Variants in TRIO observed in about 807,000 individuals in gnomAD.
The protein encoded by TRIO is triple functional domain protein.
Under a neutral mutation model 351.9 loss-of-function variants are expected in TRIO, and 58 were observed. The ratio of observed to expected loss-of-function variants is 0.16; its 90% CI spans 0.13 to 0.21. The LOEUF (loss-of-function observed/expected upper bound fraction) is 0.21, where lower values mean the gene tolerates loss of function less well. TRIO is among the 10% of genes least tolerant of loss of function. The pLI, the probability that TRIO is intolerant of heterozygous loss-of-function variation, is 1.00. For missense variants in TRIO, 3,201 were observed against 4,027.8 expected, an observed-to-expected ratio of 0.79 and a Z score of 5.56; for synonymous variants, 1,758 against 1,595.7, an observed-to-expected ratio of 1.10 and a Z score of -2.42.
At chr5:14,350,306 T>C (rs546749675) in intron 11 of TRIO, among the ~76,000 whole-genome samples, 3 of 152,304 alleles carry the variant, frequency 2.0e-5, no homozygotes, top group South Asian at 4.1e-4. Flanking sequence ...CCAAATGACC[T>C]GAGGGTGGGG....
At chr5:14,396,342 G>A (rs1341431782) in intron 28 of TRIO, among the ~76,000 whole-genome samples, 2 of 151,280 alleles carry the variant, frequency 1.3e-5, no homozygotes, top group African/African-American at 4.9e-5. Flanking sequence ...GCAGAGTCAC[G>A]CTGGGATTGT....
intron 34 of TRIO, among the ~76,000 whole-genome samples, chr5:14,440,453 T>C (rs1047107142): frequency 6.6e-6 from 1 of 152,324 alleles, no homozygotes; most frequent in East Asian, 1.9e-4. Context: ...AGCGAACATA[T>C]GGAAACTTTC....
chr5:14,308,719 GTCCATCCATCCATCCATCCA>G (rs56135752), intron 8 of TRIO, among the ~76,000 whole-genome samples: 10 of 125,088 alleles, frequency 8.0e-5, no homozygotes, highest in Middle Eastern at 8.4e-3. Context: ...CCATTCATTT[GTCCATCCATCCATCCATCCA>G]TCCATCCATC....
chr5:14,286,997 C>A lies in TRIO; in HGVS notation c.474C>A (p.Ile158=), dbSNP rs1383147340. The change falls in exon 4 of 57, where the codon ATC becomes ATA. Residue 158 remains isoleucine, a synonymous_variant. Transcript: ENST00000344204. This position sits in a 1 kb window ranked among gnomAD's most constrained non-coding sequence, Gnocchi z 4.4. The part of the protein sequence containing the change: ...SFPCCIHVAL[I]IKPDNFWQKQ... ...CCTGCTGCATCCATGTGGCCCTGAT[C>A]ATCAAGCCAGACAACTTCTGGCAGA... 2 of 1,614,094 alleles carry A rather than the reference C, an allele frequency of 1.2e-6. No individual in the cohort carries two copies. Among genetic ancestry groups the A allele is most frequent in the Non-Finnish European group, 1.7e-6 (2 of 1,180,048 alleles).
At chr5:14,353,838 G>C (rs58828043) in intron 11 of TRIO, among the ~76,000 whole-genome samples, 1 of 152,314 alleles carries the variant, frequency 6.6e-6, no homozygotes, top group African/African-American at 2.4e-5. Context: ...GCTATGTATC[G>C]TGCATCCGGC....
chr5:14,148,632 A>G (rs748082435), intron 1 of TRIO, among the ~76,000 whole-genome samples: 7 of 152,204 alleles, frequency 4.6e-5, no homozygotes, highest in Non-Finnish European at 7.3e-5. Flanking sequence ...AAATTTTAAC[A>G]GCGCCACTGG....
intron 19 of TRIO, 66 bp downstream of exon 19, chr5:14,374,409 G>T: frequency 7.9e-7 from 1 of 1,265,986 alleles, no homozygotes; most frequent in Non-Finnish European, 1.1e-6. Context: ...AAAGGAGCCT[G>T]CACGTTGTGT....
At chr5:14,355,143 G>T (rs534964023) in intron 11 of TRIO, among the ~76,000 whole-genome samples, 1 of 152,212 alleles carries the variant, frequency 6.6e-6, no homozygotes, top group Non-Finnish European at 1.5e-5. Context: ...CCCACCACCT[G>T]CATGTGGAAG....
rs370178559 is a variant in TRIO, at chr5:14,367,112, T to C, written c.2874+133T>C. 15 of 1,249,910 alleles carry C rather than the reference T, an allele frequency of 1.2e-5. No homozygotes were observed. In the South Asian group the frequency reaches 1.4e-4, roughly 12 times the overall value. 77.4% of individuals were successfully genotyped at this position (1,249,910 alleles called of 1,614,324 possible). On this transcript the variant is annotated intron_variant, in intron 16 of 56. Coordinates refer to ENST00000344204, the MANE Select transcript of TRIO (RefSeq NM_007118.4). Reference sequence around the variant, plus strand: ...GTAAAGACGACTCAGAGGACCCAAATTGGCAACGCTTCTAAGTCTGCAGCT... The same window carrying C: ...GTAAAGACGACTCAGAGGACCCAAACTGGCAACGCTTCTAAGTCTGCAGCT...
intron 19 of TRIO, among the ~76,000 whole-genome samples, 164 bp from the exon 20 acceptor site, chr5:14,377,848 C>G (rs1745704634): frequency 6.6e-6 from 1 of 152,140 alleles, no homozygotes; most frequent in African/African-American, 2.4e-5. Context: ...GAGAAGAGGT[C>G]TGGTAGACAT....
At chr5:14,262,315 T>G (rs1191545421) in intron 1 of TRIO, among the ~76,000 whole-genome samples, 1 of 151,288 alleles carries the variant, frequency 6.6e-6, no homozygotes, top group East Asian at 1.9e-4. Context: ...GAGGTGTGTG[T>G]TGGGGGCGGG....
intron 14 of TRIO, 106 bp downstream of exon 14, chr5:14,364,033 A>G (rs1744383530): frequency 8.8e-7 from 1 of 1,141,782 alleles, no homozygotes; most frequent in African/African-American, 1.6e-5. Context: ...TTCCTATGAT[A>G]AAGGTATTAT....
At chr5:14,394,459 T>C (rs1426295321) in intron 28 of TRIO, among the ~76,000 whole-genome samples, 1 of 152,158 alleles carries the variant, frequency 6.6e-6, no homozygotes, top group Non-Finnish European at 1.5e-5. Context: ...ACGCTCTGCA[T>C]ATGTTAACCT....
intron 48 of TRIO, chr5:14,489,233 G>A (rs1756294364): frequency 1.8e-6 from 1 of 541,470 alleles, no homozygotes; most frequent in Admixed American, 3.1e-5. Flanking sequence ...TAATTGGTTT[G>A]ACTTGGTCTT....
At chr5:14,450,528 C>A (rs1185881122) in intron 34 of TRIO, among the ~76,000 whole-genome samples, 1 of 151,704 alleles carries the variant, frequency 6.6e-6, no homozygotes, top group East Asian at 1.9e-4. Flanking sequence ...CTGGTTGAAT[C>A]TTGGGATTAT....
chr5:14,490,707 G>A (rs1579815409), intron 48 of TRIO: 1 of 440,602 alleles, frequency 2.3e-6, no homozygotes, highest in Non-Finnish European at 4.6e-6. Context: ...GACTTGAAAT[G>A]CCTAGTACAT....
chr5:14,198,640 G>T (rs565523771), intron 1 of TRIO, among the ~76,000 whole-genome samples: 1 of 151,428 alleles, frequency 6.6e-6, no homozygotes, highest in Non-Finnish European at 1.5e-5. Context: ...AGGTGTGAGG[G>T]CCTTTGCATT....
chr5:14,326,146 A>T (rs559907532), intron 9 of TRIO, among the ~76,000 whole-genome samples: 1 of 152,246 alleles, frequency 6.6e-6, no homozygotes, highest in South Asian at 2.1e-4. Context: ...CTGTAAGAGG[A>T]TAGGGATCGC....
rs57751910 is a variant in TRIO at position 14,388,688 on chromosome 5, GT to G, written c.3948+27del. 156,888 of 1,387,936 alleles carry G rather than the reference GT, an allele frequency of 0.11. 80 individuals are homozygous for G. The highest frequency in any genetic ancestry group is 0.18 in the Middle Eastern group (905 of 4,982). 86.0% of individuals were successfully genotyped at this position (1,387,936 alleles called of 1,614,324 possible). A position where few individuals can be genotyped will look rare whatever the true frequency, so the allele number is the denominator to read the frequency against. On this transcript the variant is annotated intron_variant, in intron 24 of 56. Transcript: ENST00000344204. ...TCCGGGAATGTATGGATGTAAGTAA[GT>G]TTTTTTTTTTTTTTTTTGCTTGTTT...
Sources: allele counts gnomAD v4.1 joint callset (sites outside exome capture counted in the v4.1 genomes callset), GRCh38; gene constraint gnomAD v4.1.1; non-coding constraint Gnocchi (gnomAD v3.1); transcripts MANE v1.5; gene names NCBI Gene and HGNC (gene_info 2026-07-23, HGNC 2026-07-21).